CDC14B: variants seen among roughly 807,000 people sequenced by gnomAD.
CDC14B encodes the protein cell division cycle 14B.
A neutral mutation model predicts 64.2 loss-of-function variants in CDC14B; 22 were observed. That is an observed-to-expected ratio of 0.34 (90% CI 0.24 to 0.49). The LOEUF is 0.49. Ranked by LOEUF, CDC14B falls within the 20% of genes least tolerant of loss-of-function variation. CDC14B has a pLI of 0.99. For missense variants in CDC14B, 498 were observed against 629.9 expected (o/e 0.79, Z 2.24); for synonymous variants, 191 against 215.8 (o/e 0.89, Z 1.01).
chr9:96,576,966 G>A (rs1156239837), intron 1 of CDC14B, among the ~76,000 whole-genome samples: 2 of 152,078 alleles, frequency 1.3e-5, no homozygotes, highest in Non-Finnish European at 2.9e-5. Flanking sequence ...TAAAAGAAAT[G>A]TTTTGGCGGG....
intron 1 of CDC14B, among the ~76,000 whole-genome samples, chr9:96,580,576 G>A (rs1845085834): frequency 6.6e-6 from 1 of 152,122 alleles, no homozygotes; most frequent in Admixed American, 6.6e-5. Flanking sequence ...AATTGATGGG[G>A]GCGTTCTGGA....
exon 14 of CDC14B, chr9:96,493,051 A>G (rs953463376): frequency 1.3e-5 from 2 of 152,350 alleles, no homozygotes; most frequent in Non-Finnish European, 2.9e-5. Context: ...TTGATCAGCA[A>G]GTCCATGCCA....
chr9:96,523,872 T>C, intron 9 of CDC14B, 147 bp from the exon 10 acceptor site: 1 of 721,114 alleles, frequency 1.4e-6, no homozygotes, highest in Admixed American at 2.9e-5. Flanking sequence ...TGGAATCACC[T>C]AGAGAGGTTT....
intron 1 of CDC14B, among the ~76,000 whole-genome samples, chr9:96,579,045 T>A (rs1439913209): frequency 6.6e-6 from 1 of 152,060 alleles, no homozygotes; most frequent in Non-Finnish European, 1.5e-5. Context: ...CTCGAACTCT[T>A]GACTTCAGGT....
rs1395968004 is a variant in CDC14B at position 96,602,591 on chromosome 9, G to C, written c.160+16628C>G. 3.3e-5 allele frequency among the ~76,000 whole-genome samples: 5 copies of C among 152,038 alleles called. No homozygotes were observed. The East Asian group carries it at 9.6e-4, about 29-fold the overall frequency. On this transcript the variant is annotated intron_variant, in intron 1 of 13. Transcript: ENST00000375241. ...GAAACTCCCCTTTATAAAACCATCAGATCTCATGAGACTTATTCACTATCA... is the reference window on the plus strand; with the variant it reads ...GAAACTCCCCTTTATAAAACCATCACATCTCATGAGACTTATTCACTATCA...
intron 9 of CDC14B, among the ~76,000 whole-genome samples, chr9:96,527,498 A>T (rs1013936197): frequency 2.0e-5 from 3 of 152,250 alleles, no homozygotes; most frequent in African/African-American, 7.2e-5. Flanking sequence ...TTATGTGTAC[A>T]GCTCAGTAGC....
intron 1 of CDC14B, 156 bp from the exon 2 acceptor site, chr9:96,565,639 C>T (rs922844834): frequency 7.5e-6 from 5 of 665,124 alleles, no homozygotes; most frequent in Middle Eastern, 2.7e-4. Flanking sequence ...AATATTCTGG[C>T]TATTTGGGTG....
intron 5 of CDC14B, among the ~76,000 whole-genome samples, chr9:96,550,786 GC>G (rs1189321763): frequency 2.6e-5 from 4 of 152,244 alleles, no homozygotes; most frequent in Admixed American, 2.6e-4. Flanking sequence ...CTTGATTTAA[GC>G]ACTAGTCTTC....
chr9:96,574,783 T>C (rs1844704301), intron 1 of CDC14B, among the ~76,000 whole-genome samples: 1 of 143,916 alleles, frequency 6.9e-6, no homozygotes, highest in South Asian at 2.2e-4. Flanking sequence ...ACTCACAGAA[T>C]AGGAGAAGAT....
At chr9:96,543,642 AC>A (rs565975062) in intron 5 of CDC14B, among the ~76,000 whole-genome samples, 26 of 152,064 alleles carry the variant, frequency 1.7e-4, no homozygotes, top group Non-Finnish European at 3.2e-4. Flanking sequence ...GAAATAAGGC[AC>A]CCCGACCCCT....
At chr9:96,597,440 G>A (rs1846157643) in intron 1 of CDC14B, among the ~76,000 whole-genome samples, 1 of 151,298 alleles carries the variant, frequency 6.6e-6, no homozygotes, top group Non-Finnish European at 1.5e-5. Flanking sequence ...GTTGCAGTGA[G>A]CCGAGATTGT....
At chr9:96,582,525 C>T (rs1452863960) in intron 1 of CDC14B, among the ~76,000 whole-genome samples, 1 of 152,198 alleles carries the variant, frequency 6.6e-6, no homozygotes, top group African/African-American at 2.4e-5. Flanking sequence ...GGTACGGTTC[C>T]AGTCAATGGA....
chr9:96,512,075 C>T lies in CDC14B; in HGVS notation c.1344-2286G>A, dbSNP rs369486360. On this transcript the variant is annotated intron_variant, in intron 12 of 13. Transcript: ENST00000375241. The stretch of plus-strand genomic sequence containing the variant: ...CTATAAAATAATAATAATAATTAGC[C>T]GGGCGTGGTGGGGCGTGCCTTGGTT... Among the ~76,000 whole-genome samples, 16 of 151,512 alleles carry T rather than the reference C, an allele frequency of 1.1e-4. 2 individuals carry two copies. Among genetic ancestry groups the T allele is most frequent in the Admixed American group, 3.9e-4 (6 of 15,208 alleles).
At chr9:96,592,317 A>T (rs1845837985) in intron 1 of CDC14B, among the ~76,000 whole-genome samples, 2 of 152,046 alleles carry the variant, frequency 1.3e-5, no homozygotes, top group Admixed American at 6.6e-5. Flanking sequence ...GACTCAAGTG[A>T]TCCACTCGCC....
intron 1 of CDC14B, among the ~76,000 whole-genome samples, chr9:96,583,213 C>T (rs952204283): frequency 6.6e-6 from 1 of 151,990 alleles, no homozygotes; most frequent in African/African-American, 2.4e-5. Flanking sequence ...TAGTGACTAT[C>T]CACATATGCA....
At chr9:96,566,749 C>T in intron 1 of CDC14B, 1 of 1,599,914 alleles carries the variant, frequency 6.3e-7, no homozygotes, top group South Asian at 1.1e-5. Flanking sequence ...CAGGGGAAGC[C>T]CCCGCCCTCC....
intron 12 of CDC14B, among the ~76,000 whole-genome samples, chr9:96,510,848 C>T (rs151200247): frequency 0.014 from 2,092 of 152,182 alleles, 43 homozygotes; most frequent in Non-Finnish European, 0.02. Context: ...TCAGGTGATT[C>T]GCCCACCTCA....
intron 5 of CDC14B, among the ~76,000 whole-genome samples, chr9:96,549,230 G>GA (rs918318178): frequency 2.0e-5 from 3 of 151,246 alleles, no homozygotes; most frequent in East Asian, 1.9e-4. Context: ...AATGAAAGGG[G>GA]AAAAAAAACA....
intron 9 of CDC14B, among the ~76,000 whole-genome samples, chr9:96,527,560 A>G (rs1448611018): frequency 6.6e-6 from 1 of 152,192 alleles, no homozygotes; most frequent in African/African-American, 2.4e-5. Context: ...CATCTTCAGA[A>G]CGTATTTCAT....
Sources: allele counts gnomAD v4.1 joint callset (sites outside exome capture counted in the v4.1 genomes callset), GRCh38; gene constraint gnomAD v4.1.1; transcripts MANE v1.5; gene names NCBI Gene and HGNC (gene_info 2026-07-23, HGNC 2026-07-21).